The following PPP2R3C variants were observed in gnomAD, a reference collection of about 807,000 sequenced individuals.
PPP2R3C encodes serine/threonine-protein phosphatase 2A regulatory subunit B'' subunit gamma.
Under a neutral mutation model 63.7 loss-of-function variants are expected in PPP2R3C, and 47 were observed. That is an observed-to-expected ratio of 0.74 (90% CI 0.58 to 0.94). PPP2R3C has a LOEUF of 0.94. Ranked by LOEUF, PPP2R3C falls within the 40% of genes least tolerant of loss-of-function variation. PPP2R3C has a pLI of 0.00. For synonymous variants in PPP2R3C, 180 were observed against 177.4 expected (o/e 1.01, Z -0.12); for missense variants, 421 against 518.4 (o/e 0.81, Z 1.82).
At chr14:35,101,197 G>C (rs1039185192) in intron 6 of PPP2R3C, 1 of 152,190 alleles carries the variant, frequency 6.6e-6, no homozygotes, top group African/African-American at 2.4e-5. Flanking sequence ...GGATGGTCTC[G>C]ATCTCCTGAC....
intron 1 of PPP2R3C, among the ~76,000 whole-genome samples, 185 bp from the exon 2 acceptor site, chr14:35,116,922 G>T (rs939209499): frequency 2.0e-5 from 3 of 152,132 alleles, no homozygotes; most frequent in Non-Finnish European, 2.9e-5. Flanking sequence ...ACCCTCTACT[G>T]AAGCAGCCTC....
rs2045803746 is a variant in PPP2R3C at position 35,091,176 on chromosome 14, G to GC, written c.1006dup (p.Ala336GlyfsTer19). ...TGCAGGTTCCTTTCTGTTTTCTAAT[G>GC]CAAGGACAAAGTCCAAGTAGGTCTT... On this transcript the variant is annotated frameshift_variant, in exon 11 of 13. Transcript: ENST00000261475. LOFTEE classifies it high-confidence loss of function. The GC allele has an allele frequency of 6.2e-7, 1 of 1,610,930 alleles. No individual in the cohort carries two copies. The highest frequency in any genetic ancestry group is 1.3e-5 in the African/African-American group (1 of 74,924).
intron 4 of PPP2R3C, among the ~76,000 whole-genome samples, chr14:35,109,567 A>G (rs2046479768): frequency 6.6e-6 from 1 of 151,968 alleles, no homozygotes; most frequent in South Asian, 2.1e-4. Context: ...TCCCGGGCTC[A>G]AGCAATTCTC....
chr14:35,095,214 T>G lies in PPP2R3C; in HGVS notation c.839-30A>C, dbSNP rs200055292. 4.5e-4 allele frequency: 714 copies of G among 1,587,872 alleles called. 1 individual carries two copies. In the African/African-American group the frequency reaches 6.4e-3, roughly 14 times the overall value. On this transcript the variant is annotated intron_variant, in intron 9 of 12. Coordinates refer to ENST00000261475, the MANE Select transcript of PPP2R3C (RefSeq NM_017917.4). ...GGAAGAAAAATAATAAAGACACTTA[T>G]GACCACAATAAAATTTTAATCAGAA...
intron 6 of PPP2R3C, among the ~76,000 whole-genome samples, chr14:35,103,764 C>T (rs1385852331): frequency 6.6e-6 from 1 of 152,116 alleles, no homozygotes; most frequent in East Asian, 1.9e-4. Context: ...TACCTGCCCC[C>T]AAATAAATGT....
intron 4 of PPP2R3C, 86 bp from the exon 5 acceptor site, chr14:35,108,322 T>A (rs1337415325): frequency 1.7e-5 from 24 of 1,431,624 alleles, no homozygotes; most frequent in Middle Eastern, 4.9e-4. Context: ...TGGCATAAAT[T>A]CATACAATTA....
chr14:35,085,493 G>A lies in PPP2R3C; in HGVS notation c.*97C>T, dbSNP rs541694119. On this transcript the variant is annotated 3_prime_UTR_variant, in exon 13 of 13. Coordinates refer to ENST00000261475, the MANE Select transcript of PPP2R3C (RefSeq NM_017917.4). ...TTGCTGTGTTCTCTAGGCATATCAA[G>A]TGTTTTATTTAGACCATTTCTGAGG... 47 of 1,105,928 alleles carry A rather than the reference G, an allele frequency of 4.2e-5. No individual in the cohort carries two copies. In the African/African-American group the frequency reaches 5.9e-4, roughly 14 times the overall value. 68.5% of individuals were successfully genotyped at this position (1,105,928 alleles called of 1,614,324 possible).
chr14:35,122,075 C>A, upstream of PPP2R3C: 2 of 1,088,610 alleles, frequency 1.8e-6, no homozygotes, highest in South Asian at 1.3e-5. Flanking sequence ...GTCCAACCAC[C>A]ATCTTGATCG....
intron 9 of PPP2R3C, among the ~76,000 whole-genome samples, chr14:35,095,675 A>T (rs2045969252): frequency 7.0e-6 from 1 of 143,458 alleles, no homozygotes; most frequent in African/African-American, 2.6e-5. Flanking sequence ...CGTCTCTACT[A>T]AAAAAAAAAA....
chr14:35,120,314 G>A (rs2046829330), intron 1 of PPP2R3C, among the ~76,000 whole-genome samples: 1 of 151,758 alleles, frequency 6.6e-6, no homozygotes, highest in Non-Finnish European at 1.5e-5. Context: ...CACAATCTCG[G>A]GCTCACTGCA....
At chr14:35,105,756 C>A (rs746568574) in intron 6 of PPP2R3C, among the ~76,000 whole-genome samples, 1 of 152,080 alleles carries the variant, frequency 6.6e-6, no homozygotes, top group Non-Finnish European at 1.5e-5. Context: ...GCATAGAATT[C>A]TAGCTGCTTT....
chr14:35,094,371 A>T (rs1421446461), intron 10 of PPP2R3C, among the ~76,000 whole-genome samples: 1 of 151,788 alleles, frequency 6.6e-6, no homozygotes, highest in Non-Finnish European at 1.5e-5. Flanking sequence ...GTCTCGCTGT[A>T]TTGCTCAGGC....
rs1451543438 is a variant in PPP2R3C, at chr14:35,098,818, AG to A, written c.706+433del. On this transcript the variant is annotated intron_variant, in intron 7 of 12. Coordinates refer to ENST00000261475, the MANE Select transcript of PPP2R3C (RefSeq NM_017917.4). ...ACCAATCCGATCCTTATAGAGAATA[AG>A]AAAAATATGCATCACTGGCTAAATG... 3 of 156,822 alleles carry A rather than the reference AG, an allele frequency of 1.9e-5. No individual in the cohort carries two copies. The East Asian group carries it at 5.7e-4, about 30-fold the overall frequency. 9.7% of individuals were successfully genotyped at this position (156,822 alleles called of 1,614,324 possible).
chr14:35,088,569 C>T (rs1296443363), intron 11 of PPP2R3C, among the ~76,000 whole-genome samples: 1 of 152,212 alleles, frequency 6.6e-6, no homozygotes, highest in African/African-American at 2.4e-5. Flanking sequence ...GCATTATTCA[C>T]TGGAAATGTG....
At chr14:35,089,328 T>G (rs1056608010) in intron 11 of PPP2R3C, among the ~76,000 whole-genome samples, 1 of 151,654 alleles carries the variant, frequency 6.6e-6, no homozygotes, top group Non-Finnish European at 1.5e-5. Context: ...GTTTCCCAAC[T>G]CCTGGGCTCA....
chr14:35,122,037 G>T, upstream of PPP2R3C: 2 of 1,521,124 alleles, frequency 1.3e-6, no homozygotes, highest in African/African-American at 1.4e-5. Flanking sequence ...CGTCAGCACC[G>T]CCAGGCCCCG....
rs759778335 is a variant in PPP2R3C at position 35,096,592 on chromosome 14, A to G, written c.804T>C (p.Asn268=). The change falls in exon 9 of 13, where the codon AAT becomes AAC. Residue 268 remains asparagine (N), a synonymous_variant. Coordinates refer to ENST00000261475, the MANE Select transcript of PPP2R3C (RefSeq NM_017917.4). ...EELSKESQET[N]WFSAPSALRV... ...TTAGGGCAGAAGGAGCAGAAAACCAATTTGTTTCTTGACTCTCCTTGGACA... is the reference window on the plus strand; with the variant it reads ...TTAGGGCAGAAGGAGCAGAAAACCAGTTTGTTTCTTGACTCTCCTTGGACA... 4.3e-6 allele frequency: 7 copies of G among 1,613,720 alleles called. No individual in the cohort carries two copies. The Admixed American group carries it at 8.3e-5, about 19-fold the overall frequency.
At chr14:35,120,126 A>T (rs1354845744) in intron 1 of PPP2R3C, among the ~76,000 whole-genome samples, 1 of 151,638 alleles carries the variant, frequency 6.6e-6, no homozygotes, top group Non-Finnish European at 1.5e-5. Flanking sequence ...GGCTTGAGCC[A>T]CCGCGCCCGG....
chr14:35,110,322 C>G, intron 3 of PPP2R3C: 1 of 504,342 alleles, frequency 2.0e-6, no homozygotes, highest in Middle Eastern at 5.3e-4. Flanking sequence ...GGGCCTTAAA[C>G]AAAAATAACA....
Sources: allele counts gnomAD v4.1 joint callset (sites outside exome capture counted in the v4.1 genomes callset), GRCh38; gene constraint gnomAD v4.1.1; transcripts MANE v1.5; gene names NCBI Gene and HGNC (gene_info 2026-07-23, HGNC 2026-07-21).